LRCH1: variants seen among roughly 807,000 people sequenced by gnomAD.
LRCH1 encodes leucine-rich repeat and calponin homology domain-containing protein 1.
Under a neutral mutation model 94.9 loss-of-function variants are expected in LRCH1, and 23 were observed. The ratio of observed to expected loss-of-function variants is 0.24; its 90% CI spans 0.17 to 0.34. The LOEUF is 0.34. Ranked by LOEUF, LRCH1 falls within the 10% of genes least tolerant of loss-of-function variation. The probability of loss-of-function intolerance (pLI) is 1.00; values close to 1 mark genes in which losing one functional copy is unlikely to be tolerated. For missense variants in LRCH1, 790 were observed against 945.9 expected, an observed-to-expected ratio of 0.84 and a Z score of 2.16; for synonymous variants, 364 against 354.9, an observed-to-expected ratio of 1.03 and a Z score of -0.29.
At chr13:46,718,375 T>C (rs1872428797) in intron 16 of LRCH1, among the ~76,000 whole-genome samples, 1 of 152,198 alleles carries the variant, frequency 6.6e-6, no homozygotes, top group African/African-American at 2.4e-5. Context: ...ATGAAGAAAC[T>C]GAGGATATAA....
chr13:46,636,536 T>C (rs1014398354), intron 1 of LRCH1, among the ~76,000 whole-genome samples: 1 of 152,208 alleles, frequency 6.6e-6, no homozygotes, highest in Admixed American at 6.5e-5. Flanking sequence ...ACCATCCTTA[T>C]ACCTTCTATC....
At chr13:46,554,260 T>C (rs1313878768) in intron 1 of LRCH1, among the ~76,000 whole-genome samples, 3 of 152,196 alleles carry the variant, frequency 2.0e-5, no homozygotes, top group African/African-American at 4.8e-5. Context: ...CTCGGCGACA[T>C]CGCCGAGCGA....
rs935735955 is a variant in LRCH1 at position 46,744,649 on chromosome 13, G to A, written c.*2801G>A. On this transcript the variant is annotated 3_prime_UTR_variant, in exon 20 of 20. Transcript: ENST00000389797. The stretch of plus-strand genomic sequence containing the variant: ...TTGTTTGTAAGAAATTAAAACTAGC[G>A]CGTGGTGAGCTGGGTTATCTCTCGA... 24 of 985,284 alleles carry A rather than the reference G, an allele frequency of 2.4e-5. No individual in the cohort carries two copies. Among genetic ancestry groups the A allele is most frequent in the African/African-American group, 8.7e-5 (5 of 57,228 alleles). 61.0% of individuals were successfully genotyped at this position (985,284 alleles called of 1,614,324 possible).
chr13:46,601,849 G>T (rs565342486), intron 1 of LRCH1, among the ~76,000 whole-genome samples: 2 of 152,126 alleles, frequency 1.3e-5, no homozygotes, highest in African/African-American at 2.4e-5. Flanking sequence ...TACCCACGCC[G>T]CTGCCTAACT....
At chr13:46,595,469 G>A (rs1048855830) in intron 1 of LRCH1, among the ~76,000 whole-genome samples, 2 of 152,152 alleles carry the variant, frequency 1.3e-5, no homozygotes, top group African/African-American at 2.4e-5. Flanking sequence ...TTATATGTAC[G>A]TCAGCATTTT....
intron 1 of LRCH1, among the ~76,000 whole-genome samples, chr13:46,588,812 A>C (rs999427001): frequency 5.3e-5 from 8 of 152,086 alleles, no homozygotes; most frequent in Non-Finnish European, 1.2e-4. Context: ...CATGTTGGCC[A>C]GGCTGGTCTC....
At chr13:46,709,583 A>C (rs1871950331) in intron 13 of LRCH1, among the ~76,000 whole-genome samples, 1 of 152,214 alleles carries the variant, frequency 6.6e-6, no homozygotes, top group South Asian at 2.1e-4. Flanking sequence ...TCACTCTCAT[A>C]GAGTTTTAAA....
At chr13:46,731,773 A>C (rs576350729) in intron 18 of LRCH1, among the ~76,000 whole-genome samples, 1 of 152,234 alleles carries the variant, frequency 6.6e-6, no homozygotes, top group South Asian at 2.1e-4. Flanking sequence ...CAGGCTCAGC[A>C]CAGGCAGCTC....
intron 13 of LRCH1, among the ~76,000 whole-genome samples, chr13:46,709,685 C>T (rs1246170219): frequency 6.6e-6 from 1 of 152,092 alleles, no homozygotes; most frequent in African/African-American, 2.4e-5. Flanking sequence ...CTATCCCCAA[C>T]TTACAATGTT....
At chr13:46,675,566 A>G (rs2051660600) in intron 3 of LRCH1, among the ~76,000 whole-genome samples, 1 of 152,122 alleles carries the variant, frequency 6.6e-6, no homozygotes. Flanking sequence ...TTTTCATGAA[A>G]TGTTTGGTTG....
At chr13:46,725,207 G>T (rs986907881) in intron 17 of LRCH1, among the ~76,000 whole-genome samples, 5 of 151,450 alleles carry the variant, frequency 3.3e-5, no homozygotes, top group Non-Finnish European at 7.3e-5. Context: ...TCCAAAAGGG[G>T]AGAGATAGGG....
intron 1 of LRCH1, among the ~76,000 whole-genome samples, chr13:46,590,009 A>G (rs911673284): frequency 6.6e-6 from 1 of 151,202 alleles, no homozygotes; most frequent in African/African-American, 2.4e-5. Context: ...GAGGCTGTTC[A>G]GTTTCTCTCA....
intron 2 of LRCH1, among the ~76,000 whole-genome samples, chr13:46,661,973 G>A (rs2051454570): frequency 6.6e-6 from 1 of 152,102 alleles, no homozygotes; most frequent in Non-Finnish European, 1.5e-5. Flanking sequence ...CAGCACTTTG[G>A]GAGTTGAGGC....
intron 4 of LRCH1, among the ~76,000 whole-genome samples, chr13:46,685,545 T>A (rs1870561500): frequency 6.6e-6 from 1 of 152,206 alleles, no homozygotes; most frequent in Non-Finnish European, 1.5e-5. Flanking sequence ...TAGCGAGTGC[T>A]ACTGGGAAAC....
intron 1 of LRCH1, among the ~76,000 whole-genome samples, chr13:46,558,597 A>AAAAAAAAAAAAAAAAAAAAAAAC: frequency 7.0e-6 from 1 of 143,634 alleles, no homozygotes; most frequent in South Asian, 2.2e-4. Flanking sequence ...AAAAAAAAAA[A>AAAAAAAAAAAAAAAAAAAAAAAC]AGCTGGGTTC....
intron 2 of LRCH1, among the ~76,000 whole-genome samples, chr13:46,660,173 G>A (rs150722865): frequency 5.3e-5 from 8 of 151,216 alleles, no homozygotes; most frequent in Non-Finnish European, 7.4e-5. Context: ...CACCACGCCC[G>A]GCTAATTTTT....
Position 46,735,041 on chromosome 13 carries a change from G to A in LRCH1, c.2085+1043G>A, listed in dbSNP as rs185289698. 1.0e-3 allele frequency among the ~76,000 whole-genome samples: 158 copies of A among 151,948 alleles called. 1 individual carries two copies. The highest frequency in any genetic ancestry group is 7.5e-3 in the South Asian group (36 of 4,786). On this transcript the variant is annotated intron_variant, in intron 19 of 19. Coordinates refer to ENST00000389797, the MANE Select transcript of LRCH1 (RefSeq NM_001164211.2). ...CAGCTTGGTGGGATTCAGAGGTGGG[G>A]GATAGCGGTAGACTTCTCATCTTAT...
At chr13:46,633,219 A>G (rs1255370900) in intron 1 of LRCH1, among the ~76,000 whole-genome samples, 1 of 152,236 alleles carries the variant, frequency 6.6e-6, no homozygotes, top group Non-Finnish European at 1.5e-5. Flanking sequence ...AAATTGCCCA[A>G]GGAAGTATTT....
chr13:46,634,915 C>T (rs910095477), intron 1 of LRCH1, among the ~76,000 whole-genome samples: 3 of 152,154 alleles, frequency 2.0e-5, no homozygotes, highest in African/African-American at 4.8e-5. Flanking sequence ...TTTGACTTTC[C>T]GATGAGCATG....
Sources: gnomAD v4.1 joint callset for allele counts (sites outside exome capture counted in the v4.1 genomes callset) on GRCh38, gnomAD v4.1.1 for gene constraint, MANE v1.5 for transcripts, NCBI Gene and HGNC (gene_info 2026-07-23, HGNC 2026-07-21) for gene names.